Variants in FANCL observed in about 807,000 individuals in gnomAD.
The protein encoded by FANCL is E3 ubiquitin-protein ligase FANCL.
FANCL carries 69 observed loss-of-function variants against 59.4 expected under a neutral mutation model. The ratio of observed to expected loss-of-function variants is 1.16; its 90% confidence interval spans 0.96 to 1.42. The LOEUF is 1.42. Ranked by LOEUF, FANCL falls within the 40% of genes most tolerant of loss-of-function variation. FANCL has a pLI of 0.00. For missense variants in FANCL, 519 were observed against 447.2 expected (o/e 1.16, Z -1.45); for synonymous variants, 180 against 147.1 (o/e 1.22, Z -1.62).
chr2:58,170,339 T>A (rs1036358395), intron 7 of FANCL, among the ~76,000 whole-genome samples: 3 of 152,274 alleles, frequency 2.0e-5, no homozygotes, highest in African/African-American at 4.8e-5. Flanking sequence ...CAAATCCTGA[T>A]AGATCTTGTC....
At chr2:58,219,082 C>G (rs35983748) in intron 5 of FANCL, among the ~76,000 whole-genome samples, 3 of 127,536 alleles carry the variant, frequency 2.4e-5, no homozygotes, top group Non-Finnish European at 3.2e-5. Flanking sequence ...ATGGCTGATT[C>G]TAGGAAAGGG....
intron 5 of FANCL, chr2:58,213,819 T>G (rs142083861): frequency 1.3e-5 from 2 of 152,130 alleles, no homozygotes; most frequent in Admixed American, 1.3e-4. Context: ...TTTGAAACTC[T>G]CCAAGGGTGT....
chr2:58,210,565 C>G (rs1483441949), intron 5 of FANCL, among the ~76,000 whole-genome samples: 3 of 152,096 alleles, frequency 2.0e-5, no homozygotes, highest in Admixed American at 2.0e-4. Context: ...AACAGGCCCC[C>G]CAAAGTCTTA....
Position 58,199,606 on chromosome 2 carries a change from G to A in FANCL, c.472-944C>T, listed in dbSNP as rs183599592. On this transcript the variant is annotated intron_variant, in intron 6 of 13. Transcript: ENST00000233741. Reference sequence around the variant, plus strand: ...TCTTCAACTAGTCATATAAAAACTGGCAGTCATGAGGACAAACCAAGTTTT... The same window carrying A: ...TCTTCAACTAGTCATATAAAAACTGACAGTCATGAGGACAAACCAAGTTTT... Among the ~76,000 whole-genome samples, 916 of 152,108 alleles carry A rather than the reference G, an allele frequency of 6.0e-3. 8 individuals carry two copies. The highest frequency in any genetic ancestry group is 0.021 in the African/African-American group (859 of 41,522).
At chr2:58,174,692 A>T (rs1381725282) in intron 7 of FANCL, among the ~76,000 whole-genome samples, 1 of 152,220 alleles carries the variant, frequency 6.6e-6, no homozygotes, top group Non-Finnish European at 1.5e-5. Context: ...AGCAGCAAAG[A>T]TCCAAAATTG....
intron 7 of FANCL, among the ~76,000 whole-genome samples, chr2:58,192,881 C>A (rs1689071502): frequency 6.6e-6 from 1 of 151,842 alleles, no homozygotes; most frequent in South Asian, 2.1e-4. Flanking sequence ...CAACAAAAAA[C>A]CTTGCAAACT....
chr2:58,180,872 A>G (rs1356135249), intron 7 of FANCL, among the ~76,000 whole-genome samples: 2 of 151,884 alleles, frequency 1.3e-5, no homozygotes, highest in African/African-American at 2.4e-5. Flanking sequence ...AACTTTTCAG[A>G]AAAAAAAGTG....
In FANCL at chr2:58,204,114, T is replaced by C. The variant is rs1026741275; in HGVS notation, c.471+16A>G. 6.3e-7 allele frequency: 1 copy of C among 1,589,708 alleles called. No homozygotes were observed. The highest frequency in any genetic ancestry group is 1.7e-5 in the Admixed American group (1 of 59,942). The stretch of plus-strand genomic sequence containing the variant: ...AGTATTTTCTGATCACAATAACAGT[T>C]TAACGAGGCACATACCTTTGCCTTC... On this transcript the variant is annotated intron_variant, in intron 6 of 13. Coordinates refer to ENST00000233741, the MANE Select transcript of FANCL (RefSeq NM_018062.4).
intron 1 of FANCL, among the ~76,000 whole-genome samples, chr2:58,233,970 C>T (rs1249773154): frequency 1.3e-5 from 2 of 152,030 alleles, no homozygotes; most frequent in Admixed American, 6.6e-5. Flanking sequence ...AACTCCTTCC[C>T]ACCCAGCACT....
chr2:58,187,743 G>T (rs1402204142), intron 7 of FANCL, among the ~76,000 whole-genome samples: 1 of 152,058 alleles, frequency 6.6e-6, no homozygotes, highest in African/African-American at 2.4e-5. Context: ...GGTAGTAAAA[G>T]TGTTATCCTT....
intron 7 of FANCL, among the ~76,000 whole-genome samples, 180 bp from the exon 8 acceptor site, chr2:58,166,054 ATTCT>A (rs1438688645): frequency 1.3e-5 from 2 of 152,150 alleles, no homozygotes; most frequent in Non-Finnish European, 2.9e-5. Context: ...CGTTTACAGG[ATTCT>A]TTTTTATTGA....
intron 7 of FANCL, among the ~76,000 whole-genome samples, chr2:58,183,942 T>A (rs1688163362): frequency 6.6e-6 from 1 of 152,008 alleles, no homozygotes. Context: ...TCAGCCTCTC[T>A]AAGCTTTAAC....
At chr2:58,169,787 C>A (rs927773147) in intron 7 of FANCL, among the ~76,000 whole-genome samples, 1 of 151,298 alleles carries the variant, frequency 6.6e-6, no homozygotes, top group African/African-American at 2.4e-5. Context: ...ATCAATCAAG[C>A]GGAAGAAAGG....
At chr2:58,172,814 A>C (rs993828535) in intron 7 of FANCL, among the ~76,000 whole-genome samples, 8 of 152,240 alleles carry the variant, frequency 5.3e-5, no homozygotes, top group East Asian at 1.9e-4. Context: ...TGAGAGAAGA[A>C]GGCTTCAGAC....
chr2:58,195,129 A>T (rs1374802600), intron 7 of FANCL, among the ~76,000 whole-genome samples: 2 of 152,104 alleles, frequency 1.3e-5, no homozygotes, highest in Admixed American at 1.3e-4. Flanking sequence ...AAATTGTTTT[A>T]AAAAAACTCC....
At chr2:58,233,318 C>A (rs893919948) in intron 1 of FANCL, among the ~76,000 whole-genome samples, 1 of 151,948 alleles carries the variant, frequency 6.6e-6, no homozygotes, top group African/African-American at 2.4e-5. Context: ...CAAAGCCCAG[C>A]CATTTTAAAA....
intron 7 of FANCL, among the ~76,000 whole-genome samples, chr2:58,173,097 A>C (rs942401380): frequency 2.6e-5 from 4 of 152,230 alleles, no homozygotes; most frequent in African/African-American, 9.6e-5. Context: ...AAAAAGAATA[A>C]CAAGAAACGA....
intron 5 of FANCL, among the ~76,000 whole-genome samples, chr2:58,205,774 A>T (rs576323777): frequency 6.7e-6 from 1 of 150,052 alleles, no homozygotes; most frequent in Non-Finnish European, 1.5e-5. Context: ...GCAAAAATGC[A>T]GTGTTCAGGA....
intron 8 of FANCL, 27 bp downstream of exon 8, chr2:58,165,697 C>G (rs1473138609): frequency 2.5e-6 from 4 of 1,613,640 alleles, no homozygotes; most frequent in Non-Finnish European, 2.5e-6. Flanking sequence ...CACCTAAAAA[C>G]AAACCCTTAA....
Sources: allele counts gnomAD v4.1 joint callset (sites outside exome capture counted in the v4.1 genomes callset), GRCh38; gene constraint gnomAD v4.1.1; transcripts MANE v1.5; gene names NCBI Gene and HGNC (gene_info 2026-07-23, HGNC 2026-07-21).